Variants in CLCN1 observed in about 807,000 individuals in gnomAD.
CLCN1 encodes the protein chloride voltage-gated channel 1.
In CLCN1, 100 loss-of-function variants were observed where a neutral mutation model predicts 114.5. That is an observed-to-expected ratio of 0.87 (90% CI 0.74 to 1.03). The LOEUF (loss-of-function observed/expected upper bound fraction) is 1.03, where lower values mean the gene tolerates loss of function less well. Ranked by LOEUF, CLCN1 falls within the 50% of genes least tolerant of loss-of-function variation. The pLI is 0.00. For synonymous variants in CLCN1, 485 were observed against 487.1 expected (o/e 1.00, Z 0.06); for missense variants, 1,188 against 1,250.0 (o/e 0.95, Z 0.75).
chr7:143,343,639 C>T (rs566516533), intron 16 of CLCN1, among the ~76,000 whole-genome samples: 1 of 152,314 alleles, frequency 6.6e-6, no homozygotes, highest in South Asian at 2.1e-4. Flanking sequence ...TTGATGCTTA[C>T]ATAAGTCATG....
chr7:143,345,689 C>T lies in CLCN1; in HGVS notation c.2099C>T (p.Ala700Val). ...ARLAGEGLPG[A>V]PPGRPESFAF... ...CTGGCTGGGGAGGGGCTCCCCGGCGCGCCTCCAGGCCGGCCCGAGTCCTTC... is the reference window on the plus strand; with the variant it reads ...CTGGCTGGGGAGGGGCTCCCCGGCGTGCCTCCAGGCCGGCCCGAGTCCTTC... The change falls in exon 17 of 23, where the codon GCG becomes GTG. Residue 700 changes from alanine to valine, a missense_variant. Coordinates refer to ENST00000343257, the MANE Select transcript of CLCN1 (RefSeq NM_000083.3). 1 of 1,556,244 alleles carries T rather than the reference C, an allele frequency of 6.4e-7. No homozygotes were observed. The highest frequency in any genetic ancestry group is 8.7e-7 in the Non-Finnish European group (1 of 1,151,718).
intron 12 of CLCN1, among the ~76,000 whole-genome samples, chr7:143,334,051 T>C (rs1278719941): frequency 6.6e-6 from 1 of 152,122 alleles, no homozygotes. Flanking sequence ...CTGTCTCTAC[T>C]AAAAACACAA....
At chr7:143,320,382 A>G (rs1011025382) in intron 2 of CLCN1, among the ~76,000 whole-genome samples, 21 of 152,126 alleles carry the variant, frequency 1.4e-4, no homozygotes, top group African/African-American at 4.8e-4. Context: ...AAGGAATTCA[A>G]GTATTCATGG....
intron 7 of CLCN1, among the ~76,000 whole-genome samples, chr7:143,330,289 T>C (rs1802688300): frequency 6.6e-6 from 1 of 152,164 alleles, no homozygotes; most frequent in Admixed American, 6.5e-5. Context: ...ATGGTATATG[T>C]AGAACGGTAG....
chr7:143,327,869 G>A (rs1802615823), intron 7 of CLCN1, among the ~76,000 whole-genome samples: 1 of 152,104 alleles, frequency 6.6e-6, no homozygotes, highest in Admixed American at 6.6e-5. Flanking sequence ...TGGCCAGGCT[G>A]GTCTCAAACT....
rs778501327 is a variant in CLCN1 at position 143,321,062 on chromosome 7, C to T, written c.433+267C>T. ...TGCCCCAGTTCCCCAGGGACTTTCC[C>T]AGTTTCAGCACTGAACATCCCGAAT... On this transcript the variant is annotated intron_variant, in intron 3 of 22. Transcript: ENST00000343257. The surrounding 1 kb of genome is among the most constrained non-coding windows in gnomAD (Gnocchi z 4.2). Among the ~76,000 whole-genome samples the T allele has an allele frequency of 3.3e-5, 5 of 152,140 alleles. No individual in the cohort carries two copies. Among genetic ancestry groups the T allele is most frequent in the Non-Finnish European group, 5.9e-5 (4 of 68,016 alleles).
intron 14 of CLCN1, among the ~76,000 whole-genome samples, chr7:143,341,510 G>C (rs1235625125): frequency 6.6e-6 from 1 of 151,864 alleles, no homozygotes; most frequent in African/African-American, 2.4e-5. Context: ...CATGAACCGA[G>C]ATTGTACCAC....
At chr7:143,334,640 G>T (rs1802822939) in intron 12 of CLCN1, among the ~76,000 whole-genome samples, 2 of 152,066 alleles carry the variant, frequency 1.3e-5, no homozygotes, top group African/African-American at 4.8e-5. Context: ...TTTTAGTGAT[G>T]TTAAGACTAG....
chr7:143,346,316 G>A, intron 18 of CLCN1, 65 bp downstream of exon 18: 2 of 1,106,454 alleles, frequency 1.8e-6, no homozygotes, highest in South Asian at 2.5e-5. Flanking sequence ...ACTAGGACCT[G>A]ACCTTGACCT....
Position 143,345,759 on chromosome 7 carries a change from C to G in CLCN1, c.2169C>G (p.Ser723Arg). ...EDEDEDLSGKSELPPSLALHP... is the reference protein window; with the variant it reads ...EDEDEDLSGKRELPPSLALHP... ...AGGACGAAGACCTCTCTGGCAAGAG[C>G]GAGGTGACCGCGCCGGGAAGGGCTA... is the stretch of plus-strand genomic sequence containing the variant. The change falls in exon 17 of 23, where the codon AGC (serine) becomes AGG (arginine). Residue 723 changes from serine to arginine, a missense_variant. Transcript: ENST00000343257. 1 of 1,603,142 alleles carries G rather than the reference C, an allele frequency of 6.2e-7. No individual in the cohort carries two copies. The highest frequency in any genetic ancestry group is 8.5e-7 in the Non-Finnish European group (1 of 1,175,388).
rs1032211764 is a variant in CLCN1, at chr7:143,345,592, G to T, written c.2002G>T (p.Glu668Ter). The T allele has an allele frequency of 6.4e-7, 1 of 1,552,350 alleles. No homozygotes were observed. Among genetic ancestry groups the T allele is most frequent in the Non-Finnish European group, 8.7e-7 (1 of 1,147,948 alleles). ...QALLQRHLCP[E>*]RRLRAAQEMA... Reference sequence around the variant, plus strand: ...CCTCCTGCAGCGCCACCTGTGTCCTGAGCGCAGGCTGCGCGCAGCCCAAGA... The same window carrying T: ...CCTCCTGCAGCGCCACCTGTGTCCTTAGCGCAGGCTGCGCGCAGCCCAAGA... The change falls in exon 17 of 23, where the codon GAG becomes TAG. Residue 668 changes from glutamate to a stop codon, truncating the protein, a stop_gained. Transcript: ENST00000343257. LOFTEE classifies it high-confidence loss of function.
At chr7:143,329,959 T>C (rs1213049566) in intron 7 of CLCN1, among the ~76,000 whole-genome samples, 1 of 151,990 alleles carries the variant, frequency 6.6e-6, no homozygotes, top group Non-Finnish European at 1.5e-5. Flanking sequence ...CTACCAACCC[T>C]TGCTCTTTTT....
chr7:143,350,542 C>G lies in CLCN1; in HGVS notation c.2509-26C>G. On this transcript the variant is annotated intron_variant, in intron 21 of 22. Coordinates refer to ENST00000343257, the MANE Select transcript of CLCN1 (RefSeq NM_000083.3). The surrounding 1 kb of genome is among the most constrained non-coding windows in gnomAD (Gnocchi z 5.1). ...GGAGAGCTGTGGGGCAAGGAACATG[C>G]ACTGACCTGTGCTCTTCATCCTCAG... 6.2e-7 allele frequency: 1 copy of G among 1,610,796 alleles called. No individual in the cohort carries two copies. Among genetic ancestry groups the G allele is most frequent in the Non-Finnish European group, 8.5e-7 (1 of 1,176,960 alleles).
chr7:143,320,220 C>T, intron 2 of CLCN1, among the ~76,000 whole-genome samples: 1 of 152,216 alleles, frequency 6.6e-6, no homozygotes, highest in East Asian at 1.9e-4. Flanking sequence ...AGCAATCCTC[C>T]CGCCTTAGCC....
At chr7:143,345,281 G>A (rs968806490) in intron 16 of CLCN1, among the ~76,000 whole-genome samples, 9 of 152,166 alleles carry the variant, frequency 5.9e-5, no homozygotes, top group Middle Eastern at 3.2e-3. Context: ...ATCAAAATAA[G>A]TACAAATTAG....
chr7:143,345,493 G>A, intron 16 of CLCN1, 28 bp from the exon 17 acceptor site: 1 of 1,516,376 alleles, frequency 6.6e-7, no homozygotes, highest in Non-Finnish European at 8.9e-7. Flanking sequence ...TGGAGGGGGC[G>A]CTCAGGCAGG....
rs546357383 is a variant in CLCN1, at chr7:143,326,003, G to GT, written c.853+1519dup. 1.1e-3 allele frequency among the ~76,000 whole-genome samples: 173 copies of GT among 151,816 alleles called. 1 individual carries two copies. The highest frequency in any genetic ancestry group is 2.9e-3 in the African/African-American group (122 of 41,390). On this transcript the variant is annotated intron_variant, in intron 7 of 22. Coordinates refer to ENST00000343257, the MANE Select transcript of CLCN1 (RefSeq NM_000083.3). Reference sequence around the variant, plus strand: ...AAGGTATTTGCAGGTGGCATTACTTGTTTTTTTTGTTTGTTTGTTTGTTTG... The same window carrying GT: ...AAGGTATTTGCAGGTGGCATTACTTGTTTTTTTTTGTTTGTTTGTTTGTTTG...
chr7:143,320,711 G>T lies in CLCN1; in HGVS notation c.349G>T (p.Asp117Tyr). ...GQVVRRKLGE[D>Y]GIFLVLLGLL... ...GGTGGTGAGAAGAAAATTAGGGGAAGACGGGATCTTTCTGGTGCTTCTGGG... is the reference window on the plus strand; with the variant it reads ...GGTGGTGAGAAGAAAATTAGGGGAATACGGGATCTTTCTGGTGCTTCTGGG... Residue 117 changes from aspartate to tyrosine, a missense_variant, in exon 3 of 23, where the codon GAC becomes TAC. Physicochemically the swap from Asp to Tyr is radical, Grantham distance 160. Transcript: ENST00000343257. 1 of 1,613,752 alleles carries T rather than the reference G, an allele frequency of 6.2e-7. No homozygotes were observed.
Position 143,319,801 on chromosome 7 carries a change from T to C in CLCN1, c.227T>C (p.Ile76Thr). ...KEQFSDREQD[I>T]GMPKKTGSSS... Reference sequence around the variant, plus strand: ...CAATTCTCAGACAGGGAGCAGGACATAGGGATGCCCAAGAAGACAGGCTCC... The same window carrying C: ...CAATTCTCAGACAGGGAGCAGGACACAGGGATGCCCAAGAAGACAGGCTCC... Residue 76 changes from isoleucine to threonine, a missense_variant, in exon 2 of 23, where the codon ATA (isoleucine) becomes ACA (threonine). Physicochemically the swap from Ile to Thr is moderately conservative, Grantham distance 89 (BLOSUM62 -1). Coordinates refer to ENST00000343257, the MANE Select transcript of CLCN1 (RefSeq NM_000083.3). 1 of 1,613,718 alleles carries C rather than the reference T, an allele frequency of 6.2e-7. No individual in the cohort carries two copies. Among genetic ancestry groups the C allele is most frequent in the Non-Finnish European group, 8.5e-7 (1 of 1,179,658 alleles).
Sources: allele counts gnomAD v4.1 joint callset (sites outside exome capture counted in the v4.1 genomes callset), GRCh38; gene constraint gnomAD v4.1.1; non-coding constraint Gnocchi (gnomAD v3.1); transcripts MANE v1.5; gene names NCBI Gene and HGNC (gene_info 2026-07-23, HGNC 2026-07-21).